The following MACROD2 variants were observed in gnomAD, a reference collection of about 807,000 sequenced individuals.
MACROD2 encodes ADP-ribose glycohydrolase MACROD2.
A neutral mutation model predicts 70.4 loss-of-function variants in MACROD2; 36 were observed. That is an observed-to-expected ratio of 0.51 (90% CI 0.39 to 0.68). MACROD2 has a LOEUF of 0.68. Ranked by LOEUF, MACROD2 falls within the 30% of genes least tolerant of loss-of-function variation. MACROD2 has a pLI of 0.00. For missense variants in MACROD2, 496 were observed against 538.4 expected, an observed-to-expected ratio of 0.92 and a Z score of 0.78; for synonymous variants, 172 against 178.8, an observed-to-expected ratio of 0.96 and a Z score of 0.30.
chr20:15,206,618 A>G lies in MACROD2; in HGVS notation c.419-23322A>G, dbSNP rs574466121. Among the ~76,000 whole-genome samples, 20 of 151,072 alleles carry G rather than the reference A, an allele frequency of 1.3e-4. No individual in the cohort carries two copies. The South Asian group carries it at 3.8e-3, about 28-fold the overall frequency. On this transcript the variant is annotated intron_variant, in intron 5 of 17. Transcript: ENST00000684519. ...TCTCAAAGGCACTGCTCTGACCTCT[A>G]TCACCATGAATTATTTTTTTCTTTT...
chr20:15,597,924 C>T (rs1372208794), intron 8 of MACROD2, among the ~76,000 whole-genome samples: 1 of 152,126 alleles, frequency 6.6e-6, no homozygotes, highest in Non-Finnish European at 1.5e-5. Context: ...ACTGAAAATA[C>T]AAAAATTAGC....
chr20:14,454,492 C>T (rs952315221), intron 3 of MACROD2, among the ~76,000 whole-genome samples: 1 of 151,474 alleles, frequency 6.6e-6, no homozygotes, highest in Non-Finnish European at 1.5e-5. Flanking sequence ...TTAACAGTGA[C>T]TTACACAAGA....
At chr20:14,762,422 C>T (rs1375017295) in intron 5 of MACROD2, among the ~76,000 whole-genome samples, 2 of 151,984 alleles carry the variant, frequency 1.3e-5, no homozygotes, top group African/African-American at 4.8e-5. Flanking sequence ...TATAAGATGG[C>T]AAAAAACTAA....
At chr20:15,065,632 C>G (rs1273682654) in intron 5 of MACROD2, among the ~76,000 whole-genome samples, 2 of 139,542 alleles carry the variant, frequency 1.4e-5, no homozygotes, top group African/African-American at 2.7e-5. Flanking sequence ...CTAGCCTGGG[C>G]GACAGAGCGA....
intron 3 of MACROD2, among the ~76,000 whole-genome samples, chr20:14,437,859 T>A (rs1157304954): frequency 6.6e-6 from 1 of 152,172 alleles, no homozygotes; most frequent in Non-Finnish European, 1.5e-5. Context: ...CAAAACATTA[T>A]AAGACACATC....
At chr20:14,037,885 C>G (rs777815950) in intron 2 of MACROD2, among the ~76,000 whole-genome samples, 4 of 150,842 alleles carry the variant, frequency 2.7e-5, no homozygotes, top group African/African-American at 9.7e-5. Flanking sequence ...CATGGTGGTG[C>G]GAGCCTGTAG....
chr20:15,829,250 A>C (rs796298384), intron 8 of MACROD2, among the ~76,000 whole-genome samples: 5 of 152,160 alleles, frequency 3.3e-5, no homozygotes, highest in African/African-American at 1.2e-4. Context: ...TTCCCATCTT[A>C]TACTCAGATT....
chr20:14,657,781 A>C (rs1400097955), intron 4 of MACROD2, among the ~76,000 whole-genome samples: 1 of 152,152 alleles, frequency 6.6e-6, no homozygotes, highest in Non-Finnish European at 1.5e-5. Context: ...ATTCTAGGGA[A>C]TTACCCGTCT....
chr20:14,800,164 GC>G (rs2072557466), intron 5 of MACROD2, among the ~76,000 whole-genome samples: 1 of 150,382 alleles, frequency 6.6e-6, no homozygotes, highest in Non-Finnish European at 1.5e-5. Flanking sequence ...TTTTTTTCCT[GC>G]TCCATTTTAG....
chr20:15,990,018 A>T (rs75379239), intron 15 of MACROD2, among the ~76,000 whole-genome samples: 1 of 152,162 alleles, frequency 6.6e-6, no homozygotes. Flanking sequence ...TTTGAAAAGA[A>T]GGAAAAATAT....
intron 12 of MACROD2, among the ~76,000 whole-genome samples, chr20:15,941,255 A>G (rs1177932083): frequency 6.6e-6 from 1 of 152,222 alleles, no homozygotes; most frequent in Non-Finnish European, 1.5e-5. Context: ...TAAGCCATTA[A>G]TATCTATTAA....
At chr20:15,744,033 A>C (rs1399596809) in intron 8 of MACROD2, among the ~76,000 whole-genome samples, 1 of 152,142 alleles carries the variant, frequency 6.6e-6, no homozygotes, top group East Asian at 1.9e-4. Flanking sequence ...TTTCCACCAG[A>C]GCTAACCTCT....
chr20:15,551,476 A>T (rs946210189), intron 8 of MACROD2, among the ~76,000 whole-genome samples: 1 of 152,152 alleles, frequency 6.6e-6, no homozygotes, highest in Non-Finnish European at 1.5e-5. Context: ...AAGAGAAAAA[A>T]CATGTACTAA....
At chr20:15,367,960 G>C (rs1209735539) in intron 6 of MACROD2, among the ~76,000 whole-genome samples, 1 of 151,930 alleles carries the variant, frequency 6.6e-6, no homozygotes, top group Non-Finnish European at 1.5e-5. Context: ...AGAAGTGAAG[G>C]GATCACTTTG....
At chr20:15,154,343 A>AGCCTG (rs913926043) in intron 5 of MACROD2, among the ~76,000 whole-genome samples, 1 of 152,192 alleles carries the variant, frequency 6.6e-6, no homozygotes, top group African/African-American at 2.4e-5. Flanking sequence ...AGAGGTAAAT[A>AGCCTG]GCCTGACTGG....
chr20:15,729,126 A>G (rs1002879169), intron 8 of MACROD2, among the ~76,000 whole-genome samples: 8 of 152,016 alleles, frequency 5.3e-5, no homozygotes, highest in Non-Finnish European at 1.0e-4. Context: ...TTCTGCCTCA[A>G]TTTTATTTTA....
intron 5 of MACROD2, among the ~76,000 whole-genome samples, chr20:14,981,023 TGTG>T (rs1287183214): frequency 7.7e-6 from 1 of 129,780 alleles, no homozygotes; most frequent in South Asian, 2.4e-4. Context: ...CAAAAAGAAG[TGTG>T]TGTGTGTGTG....
intron 8 of MACROD2, among the ~76,000 whole-genome samples, chr20:15,610,357 C>T (rs1181179652): frequency 6.6e-6 from 1 of 152,170 alleles, no homozygotes; most frequent in Non-Finnish European, 1.5e-5. Flanking sequence ...TGATTCCTTG[C>T]AGAGGCTCTG....
At chr20:14,063,705 AT>A (rs2148657107) in intron 2 of MACROD2, among the ~76,000 whole-genome samples, 1 of 152,282 alleles carries the variant, frequency 6.6e-6, no homozygotes, top group South Asian at 2.1e-4. Context: ...AAATCTGAAA[AT>A]TTTGAAATCC....
Sources: gnomAD v4.1 joint callset for allele counts (sites outside exome capture counted in the v4.1 genomes callset) on GRCh38, gnomAD v4.1.1 for gene constraint, MANE v1.5 for transcripts, NCBI Gene and HGNC (gene_info 2026-07-23, HGNC 2026-07-21) for gene names.